CARM1: variants seen among roughly 807,000 people sequenced by gnomAD.
CARM1 encodes coactivator associated arginine methyltransferase 1, also known as histone-arginine methyltransferase CARM1.
A neutral mutation model predicts 72.7 loss-of-function variants in CARM1; 14 were observed. That is an observed-to-expected ratio of 0.19 (90% confidence interval 0.13 to 0.30). The LOEUF (loss-of-function observed/expected upper bound fraction) is 0.30. Among genes scored for constraint, CARM1 ranks in the 10% least tolerant of loss-of-function variants. The probability of loss-of-function intolerance (pLI) is 1.00; values close to 1 mark genes in which losing one functional copy is unlikely to be tolerated. For synonymous variants in CARM1, 333 were observed against 345.5 expected, an observed-to-expected ratio of 0.96 and a Z score of 0.40; for missense variants, 432 against 833.7, an observed-to-expected ratio of 0.52 and a Z score of 5.93.
In CARM1 at chr19:10,898,601, AGGTGGTTGCT is replaced by A. The variant is rs554333377; in HGVS notation, c.221-6347_221-6338del. 1.9e-3 allele frequency among the ~76,000 whole-genome samples: 290 copies of A among 152,130 alleles called. 1 individual carries two copies. The highest frequency in any genetic ancestry group is 2.9e-3 in the Non-Finnish European group (194 of 67,986). On this transcript the variant is annotated intron_variant, in intron 1 of 15. Transcript: ENST00000327064. ...TCCCCAGCTGAATGGCCGCTTTGGG[AGGTGGTTGCT>A]GGCCTTGAGAGGATGCCACAGTGAG...
chr19:10,887,351 C>T (rs1436943896), intron 1 of CARM1, among the ~76,000 whole-genome samples: 8 of 152,246 alleles, frequency 5.3e-5, no homozygotes, highest in Admixed American at 5.2e-4. Flanking sequence ...TGCCTGATTT[C>T]TTTGTGGCAT....
chr19:10,890,793 ATATTTTTTTTT>A (rs2073981638), intron 1 of CARM1, among the ~76,000 whole-genome samples: 1 of 83,812 alleles, frequency 1.2e-5, no homozygotes, highest in African/African-American at 6.1e-5. Context: ...ATATATATAT[ATATTTTTTTTT>A]TTTTTTTTTT....
intron 1 of CARM1, among the ~76,000 whole-genome samples, chr19:10,887,851 C>A (rs1338641171): frequency 1.3e-5 from 2 of 152,218 alleles, no homozygotes; most frequent in African/African-American, 2.4e-5. Flanking sequence ...GCTGCCTCCG[C>A]TCCAGCCTCT....
chr19:10,899,723 C>CT lies in CARM1; in HGVS notation c.221-5213dup, dbSNP rs1354982354. Among the ~76,000 whole-genome samples the CT allele has an allele frequency of 4.3e-3, 612 of 141,910 alleles. 3 individuals are homozygous for CT. Among genetic ancestry groups the CT allele is most frequent in the East Asian group, 7.4e-3 (36 of 4,874 alleles). 93.1% of individuals were successfully genotyped at this position (141,910 alleles called of 152,430 possible). On this transcript the variant is annotated intron_variant, in intron 1 of 15. Transcript: ENST00000327064. The stretch of plus-strand genomic sequence containing the variant: ...TAGGAACAGTTTTCTTTTTCTTTTT[C>CT]TTTTTTTTTTTTTTTGAGACGGAGT...
At chr19:10,879,233 A>G (rs1450906114) in intron 1 of CARM1, among the ~76,000 whole-genome samples, 1 of 152,220 alleles carries the variant, frequency 6.6e-6, no homozygotes, top group Non-Finnish European at 1.5e-5. Flanking sequence ...CAAAGGTCAC[A>G]TCCAGGTGTT....
intron 1 of CARM1, among the ~76,000 whole-genome samples, chr19:10,885,002 G>C (rs1191432565): frequency 6.6e-6 from 1 of 152,190 alleles, no homozygotes; most frequent in Non-Finnish European, 1.5e-5. Flanking sequence ...CATCATGCCT[G>C]GCCGCTTATT....
intron 1 of CARM1, among the ~76,000 whole-genome samples, chr19:10,900,126 T>G (rs929494504): frequency 1.3e-5 from 2 of 151,974 alleles, no homozygotes; most frequent in Non-Finnish European, 2.9e-5. Flanking sequence ...CTGGGCAACA[T>G]AGTGAGACCC....
chr19:10,875,819 C>T (rs2073860203), intron 1 of CARM1, among the ~76,000 whole-genome samples: 1 of 151,892 alleles, frequency 6.6e-6, no homozygotes, highest in Non-Finnish European at 1.5e-5. Flanking sequence ...TCTGCAAAGA[C>T]CCTATTTCCT....
intron 1 of CARM1, among the ~76,000 whole-genome samples, chr19:10,890,684 T>C (rs191135443): frequency 2.0e-5 from 3 of 147,546 alleles, no homozygotes; most frequent in East Asian, 2.0e-4. Flanking sequence ...TATATACATA[T>C]ATACACACAT....
intron 5 of CARM1, among the ~76,000 whole-genome samples, chr19:10,913,167 C>A (rs911873542): frequency 6.6e-6 from 1 of 151,780 alleles, no homozygotes; most frequent in Non-Finnish European, 1.5e-5. Context: ...TGCAGTGGTG[C>A]GATCCTGGCT....
chr19:10,881,399 G>C (rs1043662882), intron 1 of CARM1, among the ~76,000 whole-genome samples: 1 of 152,174 alleles, frequency 6.6e-6, no homozygotes, highest in Non-Finnish European at 1.5e-5. Flanking sequence ...CACCTGATTG[G>C]GGAGTGGAGT....
chr19:10,897,683 A>G (rs1381227541), intron 1 of CARM1, among the ~76,000 whole-genome samples: 1 of 152,184 alleles, frequency 6.6e-6, no homozygotes, highest in Middle Eastern at 3.4e-3. Flanking sequence ...CTTTTACTGC[A>G]GGGTAAAGAA....
intron 1 of CARM1, among the ~76,000 whole-genome samples, chr19:10,876,008 A>G (rs1260241160): frequency 6.6e-6 from 1 of 151,000 alleles, no homozygotes; most frequent in African/African-American, 2.4e-5. Flanking sequence ...CTGGGATTAC[A>G]GGGATTAGAG....
chr19:10,921,283 C>T (rs1411902154), intron 14 of CARM1, 92 bp from the exon 15 acceptor site: 2 of 1,511,630 alleles, frequency 1.3e-6, no homozygotes, highest in Non-Finnish European at 1.8e-6. Context: ...GTCCTCTCTG[C>T]CTCGCTCTGC....
At chr19:10,906,506 G>A (rs2074105211) in intron 2 of CARM1, among the ~76,000 whole-genome samples, 1 of 152,130 alleles carries the variant, frequency 6.6e-6, no homozygotes, top group Non-Finnish European at 1.5e-5. Context: ...CCAGGCTGGA[G>A]TGCTGGAGTG....
rs535117761 is a variant in CARM1 at position 10,872,125 on chromosome 19, G to A, written c.220+203G>A. On this transcript the variant is annotated intron_variant, in intron 1 of 15. Coordinates refer to ENST00000327064, the MANE Select transcript of CARM1 (RefSeq NM_199141.2). ...AAGAGGGCGTGCGTGGTGGCCGGAGGGGCAAGGTGCCCAGAGTGAGCAAGG... is the reference window on the plus strand; with the variant it reads ...AAGAGGGCGTGCGTGGTGGCCGGAGAGGCAAGGTGCCCAGAGTGAGCAAGG... 3.9e-5 allele frequency among the ~76,000 whole-genome samples: 6 copies of A among 152,202 alleles called. No homozygotes were observed. The East Asian group carries it at 1.2e-3, about 30-fold the overall frequency.
At chr19:10,914,391 C>A (rs2074178916) in intron 6 of CARM1, among the ~76,000 whole-genome samples, 1 of 152,216 alleles carries the variant, frequency 6.6e-6, no homozygotes, top group East Asian at 1.9e-4. Context: ...AGTTCCCCAA[C>A]AAGCCCTGCT....
intron 4 of CARM1, 49 bp downstream of exon 4, chr19:10,909,256 T>A (rs747012080): frequency 3.2e-5 from 39 of 1,227,648 alleles, no homozygotes; most frequent in Non-Finnish European, 4.4e-5. Flanking sequence ...TCTCGGTTTT[T>A]TTTTTCTTTG....
At chr19:10,890,774 C>CATAT (rs1396281380) in intron 1 of CARM1, among the ~76,000 whole-genome samples, 9 of 63,612 alleles carry the variant, frequency 1.4e-4, no homozygotes, top group African/African-American at 5.4e-4. Context: ...TACACACACA[C>CATAT]ATATATATAT....
Sources: allele counts gnomAD v4.1 joint callset (sites outside exome capture counted in the v4.1 genomes callset), GRCh38; gene constraint gnomAD v4.1.1; transcripts MANE v1.5; gene names NCBI Gene and HGNC (gene_info 2026-07-23, HGNC 2026-07-21).